Variants in UBAC2 observed in about 807,000 individuals in gnomAD.
UBAC2 encodes ubiquitin-associated domain-containing protein 2.
UBAC2 carries 26 observed loss-of-function variants against 44.0 expected under a neutral mutation model. The ratio of observed to expected loss-of-function variants is 0.59; its 90% CI spans 0.43 to 0.82. UBAC2 has a LOEUF of 0.82. Ranked by LOEUF, UBAC2 falls within the 40% of genes least tolerant of loss-of-function variation. The pLI, the probability that UBAC2 is intolerant of heterozygous loss-of-function variation, is 0.00. For missense variants in UBAC2, 329 were observed against 419.4 expected (o/e 0.78, Z 1.88); for synonymous variants, 155 against 154.3 (o/e 1.00, Z -0.04).
At chr13:99,291,482 A>G (rs766434766) in intron 4 of UBAC2, among the ~76,000 whole-genome samples, 11 of 152,338 alleles carry the variant, frequency 7.2e-5, no homozygotes, top group East Asian at 3.9e-4. Flanking sequence ...AGAAATTACA[A>G]TGGTCCAAAA....
At chr13:99,284,205 T>C (rs755818118) in intron 4 of UBAC2, among the ~76,000 whole-genome samples, 2 of 152,182 alleles carry the variant, frequency 1.3e-5, no homozygotes, top group African/African-American at 2.4e-5. Flanking sequence ...AAATAAGAAG[T>C]ACAAATAAAC....
chr13:99,314,329 C>G, intron 5 of UBAC2, 109 bp downstream of exon 5: 2 of 1,308,330 alleles, frequency 1.5e-6, no homozygotes, highest in Non-Finnish European at 2.0e-6. Context: ...TTTTTCCCCC[C>G]ATAATCTTGG....
intron 7 of UBAC2, among the ~76,000 whole-genome samples, chr13:99,345,651 G>A (rs561510999): frequency 6.6e-6 from 1 of 152,032 alleles, no homozygotes; most frequent in Non-Finnish European, 1.5e-5. Flanking sequence ...TCTCTCCTGG[G>A]GCTCCAGACC....
In UBAC2 at chr13:99,363,865, A is replaced by G. The variant is rs9554584; in HGVS notation, c.808-3922A>G. Reference sequence around the variant, plus strand: ...ATGTTACCAGGCTCAATTCAGGAACATGCTGAATCTTTCCATTTACTTAGA... The same window carrying G: ...ATGTTACCAGGCTCAATTCAGGAACGTGCTGAATCTTTCCATTTACTTAGA... On this transcript the variant is annotated intron_variant, in intron 7 of 8. Coordinates refer to ENST00000403766, the MANE Select transcript of UBAC2 (RefSeq NM_001144072.2). 1.1e-3 allele frequency among the ~76,000 whole-genome samples: 174 copies of G among 152,352 alleles called. 3 individuals carry two copies. In the East Asian group the frequency reaches 0.021, roughly 19 times the overall value.
intron 4 of UBAC2, among the ~76,000 whole-genome samples, chr13:99,280,776 C>T (rs2043942468): frequency 6.6e-6 from 1 of 152,078 alleles, no homozygotes; most frequent in East Asian, 1.9e-4. Context: ...TGTGTCTCTG[C>T]TAATGTCCTT....
At chr13:99,205,471 C>T (rs182182491) in intron 1 of UBAC2, among the ~76,000 whole-genome samples, 14 of 152,348 alleles carry the variant, frequency 9.2e-5, no homozygotes, top group African/African-American at 2.9e-4. Context: ...TCTGAATGTA[C>T]ACCTTCCTGG....
intron 1 of UBAC2, chr13:99,215,339 G>C (rs2042979384): frequency 4.8e-6 from 4 of 841,956 alleles, no homozygotes; most frequent in Admixed American, 3.4e-5. Flanking sequence ...CTTTTATTTA[G>C]AGTCCTGAGA....
chr13:99,305,964 C>T (rs748724429), intron 4 of UBAC2, among the ~76,000 whole-genome samples: 6 of 152,090 alleles, frequency 3.9e-5, no homozygotes, highest in African/African-American at 7.2e-5. Flanking sequence ...GGCGCAATCT[C>T]GGCTCACTGC....
chr13:99,352,056 A>G (rs1007538482), intron 7 of UBAC2, among the ~76,000 whole-genome samples: 1 of 152,224 alleles, frequency 6.6e-6, no homozygotes, highest in Non-Finnish European at 1.5e-5. Flanking sequence ...GCCATTTGGT[A>G]TCATCTGAGA....
intron 6 of UBAC2, among the ~76,000 whole-genome samples, chr13:99,328,027 G>T (rs183522798): frequency 2.0e-5 from 3 of 152,106 alleles, no homozygotes; most frequent in African/African-American, 7.2e-5. Flanking sequence ...GCTGCCAGCC[G>T]CAGGTAACCA....
chr13:99,332,233 T>A lies in UBAC2; in HGVS notation c.562-8087T>A, dbSNP rs528934329. 3.9e-5 allele frequency among the ~76,000 whole-genome samples: 6 copies of A among 152,320 alleles called. No homozygotes were observed. The South Asian group carries it at 1.0e-3, about 26-fold the overall frequency. ...TTGCAAAGTCATAGTTTCTAACCTT[T>A]GCCTGTTGTGGTTTCAGGCTAGTAC... is the stretch of plus-strand genomic sequence containing the variant. On this transcript the variant is annotated intron_variant, in intron 6 of 8. Coordinates refer to ENST00000403766, the MANE Select transcript of UBAC2 (RefSeq NM_001144072.2).
chr13:99,325,190 C>T (rs549621347), intron 6 of UBAC2, among the ~76,000 whole-genome samples: 1 of 151,076 alleles, frequency 6.6e-6, no homozygotes, highest in East Asian at 1.9e-4. Context: ...GCAAGCTCCA[C>T]CTCCCGGGTT....
At chr13:99,298,353 A>T (rs374897515) in intron 4 of UBAC2, among the ~76,000 whole-genome samples, 1 of 152,170 alleles carries the variant, frequency 6.6e-6, no homozygotes, top group Admixed American at 6.5e-5. Context: ...TGATAAAAAG[A>T]TAAAGGATAA....
intron 7 of UBAC2, among the ~76,000 whole-genome samples, chr13:99,352,820 G>A (rs1037564625): frequency 6.6e-6 from 1 of 152,200 alleles, no homozygotes; most frequent in Non-Finnish European, 1.5e-5. Context: ...GTGTAGTGCA[G>A]TCAGGAAGAG....
At chr13:99,326,822 T>TTA (rs893386824) in intron 6 of UBAC2, among the ~76,000 whole-genome samples, 9 of 152,086 alleles carry the variant, frequency 5.9e-5, no homozygotes, top group African/African-American at 2.4e-5. Context: ...CAGACACAGT[T>TTA]ATTCTTAAAG....
intron 1 of UBAC2, among the ~76,000 whole-genome samples, chr13:99,234,019 A>G (rs1027755731): frequency 1.7e-4 from 26 of 152,120 alleles, no homozygotes; most frequent in Admixed American, 1.2e-3. Flanking sequence ...TAATAGAGTG[A>G]AAACAGAGCT....
At chr13:99,317,288 A>C (rs1398038532) in intron 5 of UBAC2, among the ~76,000 whole-genome samples, 2 of 152,190 alleles carry the variant, frequency 1.3e-5, no homozygotes, top group Non-Finnish European at 2.9e-5. Context: ...GAAGTTCTAA[A>C]AATTAACCAA....
chr13:99,203,396 TGAAA>T (rs1398989201), intron 1 of UBAC2, among the ~76,000 whole-genome samples: 1 of 152,234 alleles, frequency 6.6e-6, no homozygotes. Context: ...AGCAAGAATC[TGAAA>T]GAAGGACGAC....
chr13:99,382,042 G>T (rs192706348), intron 8 of UBAC2, among the ~76,000 whole-genome samples: 14 of 152,314 alleles, frequency 9.2e-5, no homozygotes, highest in Admixed American at 5.9e-4. Context: ...ATAGTGCAAT[G>T]AAGTGGGTTT....
Sources: allele counts gnomAD v4.1 joint callset (sites outside exome capture counted in the v4.1 genomes callset), GRCh38; gene constraint gnomAD v4.1.1; transcripts MANE v1.5; gene names NCBI Gene and HGNC (gene_info 2026-07-23, HGNC 2026-07-21).